Variants in IGSF21 observed in about 807,000 individuals in gnomAD.
IGSF21 encodes the protein immunoglobin superfamily member 21, also known as immunoglobulin superfamily member 21.
Under a neutral mutation model 46.8 loss-of-function variants are expected in IGSF21, and 28 were observed. That is an observed-to-expected ratio of 0.60 (90% CI 0.44 to 0.82). IGSF21 has a LOEUF of 0.82. IGSF21 is among the 40% of genes least tolerant of loss of function. The probability of loss-of-function intolerance (pLI) is 0.00; values close to 1 mark genes in which losing one functional copy is unlikely to be tolerated. For missense variants in IGSF21, 624 were observed against 665.5 expected, an observed-to-expected ratio of 0.94 and a Z score of 0.69; for synonymous variants, 284 against 273.6, an observed-to-expected ratio of 1.04 and a Z score of -0.38.
intron 4 of IGSF21, among the ~76,000 whole-genome samples, chr1:18,351,652 G>C (rs2281401): frequency 1.3e-5 from 2 of 152,248 alleles, no homozygotes; most frequent in East Asian, 1.9e-4. Flanking sequence ...CCAAGCTTCC[G>C]TGGGCTTCCA....
chr1:18,360,310 C>G (rs2086086084), intron 4 of IGSF21, among the ~76,000 whole-genome samples: 1 of 152,178 alleles, frequency 6.6e-6, no homozygotes, highest in Non-Finnish European at 1.5e-5. Flanking sequence ...TATTGTTCTC[C>G]CATTGTTTTC....
intron 2 of IGSF21, among the ~76,000 whole-genome samples, chr1:18,269,250 C>G (rs1387970319): frequency 3.9e-5 from 6 of 152,106 alleles, no homozygotes; most frequent in Non-Finnish European, 7.4e-5. Flanking sequence ...GGTGATCCAC[C>G]TGGGGCAGGT....
intron 1 of IGSF21, chr1:18,115,898 AAAGAAGGAGAGG>A (rs2086185706): frequency 8.9e-6 from 1 of 111,984 alleles, no homozygotes; most frequent in South Asian, 4.4e-4. Context: ...AGAAAGAAAG[AAAGAAGGAGAGG>A]GAGGGAGGGA....
chr1:18,219,335 G>T (rs2084484128), intron 1 of IGSF21, among the ~76,000 whole-genome samples: 1 of 152,198 alleles, frequency 6.6e-6, no homozygotes, highest in Non-Finnish European at 1.5e-5. Flanking sequence ...CAAGGGCAAA[G>T]GCCCTGAGGT....
intron 1 of IGSF21, among the ~76,000 whole-genome samples, chr1:18,173,324 A>C (rs1001305369): frequency 6.6e-6 from 1 of 152,186 alleles, no homozygotes; most frequent in Non-Finnish European, 1.5e-5. Flanking sequence ...ATCAGCTTTA[A>C]TTGAGGTATA....
chr1:18,233,802 T>A (rs1014507045), intron 2 of IGSF21, among the ~76,000 whole-genome samples: 2 of 152,158 alleles, frequency 1.3e-5, no homozygotes, highest in East Asian at 3.9e-4. Context: ...GCTGGTGAAC[T>A]CACTGGGTTT....
At chr1:18,141,319 A>G (rs563396753) in intron 1 of IGSF21, among the ~76,000 whole-genome samples, 1 of 152,352 alleles carries the variant, frequency 6.6e-6, no homozygotes, top group East Asian at 1.9e-4. Flanking sequence ...AATGAGGTGA[A>G]TGGTGGGCCA....
chr1:18,344,354 G>C (rs2085872102), intron 4 of IGSF21, among the ~76,000 whole-genome samples: 1 of 152,046 alleles, frequency 6.6e-6, no homozygotes, highest in Non-Finnish European at 1.5e-5. Flanking sequence ...AATTTTTGTA[G>C]ACACAGGGTC....
chr1:18,242,670 C>A (rs2124519374), intron 2 of IGSF21, among the ~76,000 whole-genome samples: 1 of 152,312 alleles, frequency 6.6e-6, no homozygotes, highest in African/African-American at 2.4e-5. Context: ...TCCCCTTCAA[C>A]CCTCTTTACT....
chr1:18,144,339 G>A (rs1457958363), intron 1 of IGSF21, among the ~76,000 whole-genome samples: 1 of 152,110 alleles, frequency 6.6e-6, no homozygotes, highest in Non-Finnish European at 1.5e-5. Context: ...CCCCAGGCTA[G>A]GAGCCAAGGG....
Position 18,378,277 on chromosome 1 carries a change from C to A in IGSF21, c.1355C>A (p.Ala452Asp), listed in dbSNP as rs771695524. ...DSNGSIGPTG[A>D]RLTLVLALTV... ...ACAGGTTCCATTGGCCCCACTGGTGCCCGGCTCACCTTGGTGCTCGCCCTG... is the reference window on the plus strand; with the variant it reads ...ACAGGTTCCATTGGCCCCACTGGTGACCGGCTCACCTTGGTGCTCGCCCTG... The change falls in exon 10 of 10, where the codon GCC becomes GAC. Residue 452 changes from alanine (A) to aspartate (D), a missense_variant. Physicochemically the swap from Ala to Asp is moderately radical, Grantham distance 126 (BLOSUM62 -2). Coordinates refer to ENST00000251296, the MANE Select transcript of IGSF21 (RefSeq NM_032880.5). 26 of 1,613,908 alleles carry A rather than the reference C, an allele frequency of 1.6e-5. No individual in the cohort carries two copies. Among genetic ancestry groups the A allele is most frequent in the Non-Finnish European group, 2.1e-5 (25 of 1,179,968 alleles).
At chr1:18,122,907 A>G (rs1034756678) in intron 1 of IGSF21, among the ~76,000 whole-genome samples, 3 of 152,100 alleles carry the variant, frequency 2.0e-5, no homozygotes, top group Admixed American at 2.0e-4. Context: ...GATTACAGGC[A>G]TGAGCCACCG....
At chr1:18,176,616 A>G (rs946986571) in intron 1 of IGSF21, among the ~76,000 whole-genome samples, 8 of 151,262 alleles carry the variant, frequency 5.3e-5, no homozygotes, top group Admixed American at 4.6e-4. Context: ...TGCCGTTTTC[A>G]CTAACTGGTA....
intron 1 of IGSF21, among the ~76,000 whole-genome samples, chr1:18,192,951 TG>T (rs1238542207): frequency 3.9e-5 from 6 of 152,048 alleles, no homozygotes; most frequent in Non-Finnish European, 8.8e-5. Flanking sequence ...GCTGAGGATC[TG>T]GGGTGAATAA....
rs1329583897 is a variant in IGSF21, at chr1:18,334,516, A to C, written c.306-376A>C. Reference sequence around the variant, plus strand: ...AGAGGGAGCCGATGCCTCCAGTGACAGTTTTGGTCCCATACTGCATGCAGC... The same window carrying C: ...AGAGGGAGCCGATGCCTCCAGTGACCGTTTTGGTCCCATACTGCATGCAGC... On this transcript the variant is annotated intron_variant, in intron 3 of 9. Transcript: ENST00000251296. The surrounding 1 kb of genome is among the most constrained non-coding windows in gnomAD (Gnocchi z 4.3). 6.6e-6 allele frequency among the ~76,000 whole-genome samples: 1 copy of C among 152,136 alleles called. No individual in the cohort carries two copies. The highest frequency in any genetic ancestry group is 1.5e-5 in the Non-Finnish European group (1 of 68,030).
intron 1 of IGSF21, among the ~76,000 whole-genome samples, chr1:18,140,381 T>C (rs2086404306): frequency 6.6e-6 from 1 of 152,184 alleles, no homozygotes; most frequent in African/African-American, 2.4e-5. Flanking sequence ...TGATGTTTCC[T>C]GGGTCACTTC....
At chr1:18,256,429 T>C (rs1051828557) in intron 2 of IGSF21, among the ~76,000 whole-genome samples, 1 of 152,168 alleles carries the variant, frequency 6.6e-6, no homozygotes, top group Non-Finnish European at 1.5e-5. Context: ...AAGGAAAGCG[T>C]ACAGCTGTCT....
chr1:18,295,747 C>G (rs1487566939), intron 3 of IGSF21, among the ~76,000 whole-genome samples: 1 of 152,250 alleles, frequency 6.6e-6, no homozygotes, highest in East Asian at 1.9e-4. Context: ...TCTCAGGGCA[C>G]TGGAGACCAC....
intron 1 of IGSF21, among the ~76,000 whole-genome samples, chr1:18,117,445 C>T (rs2086197933): frequency 6.6e-6 from 1 of 152,174 alleles, no homozygotes; most frequent in Non-Finnish European, 1.5e-5. Flanking sequence ...TTTCAGATTC[C>T]ACCTCCACCA....
Sources: allele counts gnomAD v4.1 joint callset (sites outside exome capture counted in the v4.1 genomes callset), GRCh38; gene constraint gnomAD v4.1.1; non-coding constraint Gnocchi (gnomAD v3.1); transcripts MANE v1.5; gene names NCBI Gene and HGNC (gene_info 2026-07-23, HGNC 2026-07-21).